Variants in ROBO2 observed in about 807,000 individuals in gnomAD.
The protein encoded by ROBO2 is roundabout guidance receptor 2.
In ROBO2, 53 loss-of-function variants were observed where a neutral mutation model predicts 160.8. That is an observed-to-expected ratio of 0.33 (90% CI 0.26 to 0.41). The LOEUF (loss-of-function observed/expected upper bound fraction) is 0.41, where lower values mean the gene tolerates loss of function less well. ROBO2 is among the 10% of genes least tolerant of loss of function. ROBO2 has a pLI of 1.00. For missense variants in ROBO2, 1,577 were observed against 1,722.4 expected, an observed-to-expected ratio of 0.92 and a Z score of 1.49; for synonymous variants, 664 against 611.7, an observed-to-expected ratio of 1.09 and a Z score of -1.26.
chr3:76,441,376 C>G (rs2076919560), intron 2 of ROBO2, among the ~76,000 whole-genome samples: 1 of 152,146 alleles, frequency 6.6e-6, no homozygotes, highest in African/African-American at 2.4e-5. Context: ...ACAAACATTT[C>G]CTGGTCTTTA....
intron 2 of ROBO2, among the ~76,000 whole-genome samples, chr3:77,251,165 C>T (rs1413742506): frequency 6.6e-6 from 1 of 152,120 alleles, no homozygotes; most frequent in Non-Finnish European, 1.5e-5. Flanking sequence ...GCCTGGGCCC[C>T]CAGGCTGTCT....
chr3:77,261,351 C>G (rs1229022201), intron 2 of ROBO2, among the ~76,000 whole-genome samples: 1 of 152,106 alleles, frequency 6.6e-6, no homozygotes, highest in Non-Finnish European at 1.5e-5. Flanking sequence ...GTGATATTCT[C>G]TCCAAAGACA....
At chr3:77,589,672 A>G (rs1449391594) in intron 17 of ROBO2, among the ~76,000 whole-genome samples, 1 of 152,102 alleles carries the variant, frequency 6.6e-6, no homozygotes, top group African/African-American at 2.4e-5. Flanking sequence ...TCTCCATGGT[A>G]GAGAGAGAAG....
At chr3:76,361,640 T>A (rs1217124487) in intron 2 of ROBO2, among the ~76,000 whole-genome samples, 3 of 152,106 alleles carry the variant, frequency 2.0e-5, no homozygotes, top group Non-Finnish European at 4.4e-5. Context: ...AACTCTGATT[T>A]TACACCAGAT....
At chr3:77,165,678 A>G (rs1045288817) in intron 2 of ROBO2, among the ~76,000 whole-genome samples, 9 of 152,194 alleles carry the variant, frequency 5.9e-5, no homozygotes, top group African/African-American at 2.2e-4. Flanking sequence ...ATATACAGAA[A>G]AGTAACAAGA....
chr3:76,110,613 C>T (rs968413019), intron 2 of ROBO2, among the ~76,000 whole-genome samples: 3 of 151,890 alleles, frequency 2.0e-5, no homozygotes, highest in Non-Finnish European at 4.4e-5. Flanking sequence ...CTATTTAAGT[C>T]CTATGGAATC....
At chr3:76,773,906 A>G (rs1208621269) in intron 2 of ROBO2, among the ~76,000 whole-genome samples, 3 of 150,856 alleles carry the variant, frequency 2.0e-5, no homozygotes, top group Admixed American at 6.6e-5. Flanking sequence ...GCTATAAATT[A>G]CCATTTGAGG....
chr3:77,518,183 T>C (rs1470350688), intron 5 of ROBO2, among the ~76,000 whole-genome samples: 1 of 151,408 alleles, frequency 6.6e-6, no homozygotes, highest in Non-Finnish European at 1.5e-5. Context: ...TGTTCAAAGA[T>C]AGAATAGACC....
At position 76,514,324 on chromosome 3, in the gene ROBO2, G is replaced by A. The variant is rs577282898; in HGVS notation, c.109+576722G>A. 8.5e-5 allele frequency among the ~76,000 whole-genome samples: 13 copies of A among 152,160 alleles called. 2 individuals carry two copies. Among genetic ancestry groups the A allele is most frequent in the Admixed American group, 3.9e-4 (6 of 15,270 alleles). On this transcript the variant is annotated intron_variant, in intron 2 of 26. Coordinates refer to the ROBO2 transcript ENST00000487694. Reference sequence around the variant, plus strand: ...ACTCTCCCCTAGGGCCCACCCAGGCGCTCACCTACCTCCCCAACTTTAAGA... The same window carrying A: ...ACTCTCCCCTAGGGCCCACCCAGGCACTCACCTACCTCCCCAACTTTAAGA...
chr3:77,557,371 G>A (rs2093160883), intron 8 of ROBO2, among the ~76,000 whole-genome samples: 1 of 151,856 alleles, frequency 6.6e-6, no homozygotes, highest in African/African-American at 2.4e-5. Context: ...ATGAGCTCAT[G>A]TCACAATTTT....
chr3:76,117,284 TC>T (rs768875205), intron 2 of ROBO2, among the ~76,000 whole-genome samples: 1 of 152,180 alleles, frequency 6.6e-6, no homozygotes, highest in African/African-American at 2.4e-5. Flanking sequence ...TATTTTCTCA[TC>T]CATTATTGTG....
intron 2 of ROBO2, among the ~76,000 whole-genome samples, chr3:76,190,667 TA>T (rs1435108362): frequency 6.6e-6 from 1 of 152,108 alleles, no homozygotes; most frequent in African/African-American, 2.4e-5. Context: ...CAGGTTAATT[TA>T]AACATTGAAG....
chr3:77,627,596 A>G (rs925569489), intron 23 of ROBO2, among the ~76,000 whole-genome samples: 2 of 152,132 alleles, frequency 1.3e-5, no homozygotes, highest in Non-Finnish European at 2.9e-5. Context: ...TGAGGCACGC[A>G]GGTGGAATTG....
At position 76,518,149 on chromosome 3, in the gene ROBO2, G is replaced by T. The variant is rs532798316; in HGVS notation, c.110-579865G>T. 2.6e-5 allele frequency among the ~76,000 whole-genome samples: 4 copies of T among 152,186 alleles called. No individual in the cohort carries two copies. In the South Asian group the frequency reaches 8.3e-4, roughly 32 times the overall value. On this transcript the variant is annotated intron_variant, in intron 2 of 26. Coordinates refer to the ROBO2 transcript ENST00000487694. The stretch of plus-strand genomic sequence containing the variant: ...CAGTAGCCTTCTGTAGTAGAAAACA[G>T]AAACAATAATGACACACAAAAGAAT...
At chr3:77,365,183 G>A (rs967248021) in intron 2 of ROBO2, among the ~76,000 whole-genome samples, 2 of 151,370 alleles carry the variant, frequency 1.3e-5, no homozygotes, top group African/African-American at 4.8e-5. Flanking sequence ...AAAAAGAAGA[G>A]GTTCTAAGAC....
In ROBO2 at chr3:76,395,524, A is replaced by C. The variant is rs576138950; in HGVS notation, c.109+457922A>C. 1.1e-4 allele frequency among the ~76,000 whole-genome samples: 17 copies of C among 148,022 alleles called. No individual in the cohort carries two copies. The South Asian group carries it at 3.6e-3, about 32-fold the overall frequency. ...AAAAAAAACCTTCAAAAAATTAATG[A>C]ATCCAGGAGCTGGTTTTTTGAAAGG... On this transcript the variant is annotated intron_variant, in intron 2 of 26. Transcript: ENST00000487694.
At chr3:77,528,130 A>G (rs918628918) in intron 6 of ROBO2, among the ~76,000 whole-genome samples, 2 of 151,700 alleles carry the variant, frequency 1.3e-5, no homozygotes, top group Non-Finnish European at 3.0e-5. Flanking sequence ...CAATTCATTG[A>G]CTTAGTAAGC....
intron 2 of ROBO2, among the ~76,000 whole-genome samples, chr3:76,248,653 A>G (rs1338654466): frequency 4.3e-5 from 5 of 117,512 alleles, no homozygotes; most frequent in Admixed American, 9.4e-5. Context: ...ATAAAAGAAA[A>G]AAAACTTAAA....
chr3:76,200,669 C>T (rs1313767901), intron 2 of ROBO2, among the ~76,000 whole-genome samples: 2 of 152,040 alleles, frequency 1.3e-5, no homozygotes, highest in Non-Finnish European at 2.9e-5. Context: ...CAGAAACATA[C>T]CACCAAGCAT....
Sources: gnomAD v4.1 joint callset for allele counts (sites outside exome capture counted in the v4.1 genomes callset) on GRCh38, gnomAD v4.1.1 for gene constraint, MANE v1.5 for transcripts, NCBI Gene and HGNC (gene_info 2026-07-23, HGNC 2026-07-21) for gene names.